The following COL28A1 variants were observed in gnomAD, a reference collection of about 807,000 sequenced individuals.
COL28A1 encodes collagen type XXVIII alpha 1 chain, also known as collagen alpha-1(XXVIII) chain.
COL28A1 carries 161 observed loss-of-function variants against 150.2 expected under a neutral mutation model. The observed-to-expected ratio is 1.07, with a 90% CI of 0.94 to 1.22. COL28A1 has a LOEUF of 1.22. Among genes scored for constraint, COL28A1 ranks in the 50% most tolerant of loss-of-function variants. COL28A1 has a pLI of 0.00. For missense variants in COL28A1, 1,617 were observed against 1,388.3 expected (o/e 1.16, Z -2.62); for synonymous variants, 552 against 469.7 (o/e 1.18, Z -2.26).
chr7:7,369,734 C>T (rs1562478975), intron 33 of COL28A1, among the ~76,000 whole-genome samples: 3 of 152,112 alleles, frequency 2.0e-5, no homozygotes, highest in African/African-American at 4.8e-5. Flanking sequence ...GCCCTGAGTC[C>T]AACTACTGAT....
chr7:7,408,780 T>G (rs140018272), intron 27 of COL28A1, among the ~76,000 whole-genome samples: 2 of 152,230 alleles, frequency 1.3e-5, no homozygotes, highest in African/African-American at 4.8e-5. Flanking sequence ...ATAAAAAAAA[T>G]AGATTATCAG....
At chr7:7,395,687 T>C (rs1474796279) in intron 27 of COL28A1, among the ~76,000 whole-genome samples, 2 of 152,220 alleles carry the variant, frequency 1.3e-5, no homozygotes, top group Non-Finnish European at 2.9e-5. Flanking sequence ...AATTTTACTT[T>C]AGCACAAAAT....
rs1781376083 is a variant in COL28A1, at chr7:7,373,862, G to C, written c.2360-316C>G. 6.6e-6 allele frequency among the ~76,000 whole-genome samples: 1 copy of C among 151,194 alleles called. No individual in the cohort carries two copies. Among genetic ancestry groups the C allele is most frequent in the African/African-American group, 2.4e-5 (1 of 41,138 alleles). ...CTACAGGCGCCCGCCACCTCGCCTG[G>C]CTAATTTTTTGTATTTTTAGTAGAG... On this transcript the variant is annotated intron_variant, in intron 31 of 34. Transcript: ENST00000399429. This position sits in a 1 kb window ranked among gnomAD's most constrained non-coding sequence, Gnocchi z 4.1.
chr7:7,490,223 C>T (rs140195239), intron 12 of COL28A1, among the ~76,000 whole-genome samples: 410 of 152,244 alleles, frequency 2.7e-3, no homozygotes, highest in African/African-American at 8.2e-3. Flanking sequence ...TATGCTTATT[C>T]AATGTGAACC....
downstream of COL28A1, among the ~76,000 whole-genome samples, chr7:7,353,678 GGAA>G (rs1276886659): frequency 2.6e-5 from 4 of 152,090 alleles, no homozygotes; most frequent in Admixed American, 6.6e-5. Context: ...GGTCAGTCAG[GGAA>G]GAAGGAGAAG....
chr7:7,535,580 T>A (rs984702921), intron 1 of COL28A1, among the ~76,000 whole-genome samples, 170 bp downstream of exon 1: 1 of 152,196 alleles, frequency 6.6e-6, no homozygotes, highest in African/African-American at 2.4e-5. Context: ...TTCTACATTT[T>A]AACAATGTTA....
intron 33 of COL28A1, among the ~76,000 whole-genome samples, chr7:7,369,488 G>A (rs7796385): frequency 0.89 from 135,854 of 152,282 alleles, 60,729 homozygotes; most frequent in East Asian, 1. Context: ...CCCTTTACAG[G>A]GTTTGCTGAC....
the COL28A1 span, among the ~76,000 whole-genome samples, chr7:7,351,170 C>A: frequency 2.6e-5 from 4 of 152,126 alleles, no homozygotes; most frequent in African/African-American, 9.7e-5. Context: ...TCTTCTCCCC[C>A]ACTTTAGTCA....
intron 25 of COL28A1, among the ~76,000 whole-genome samples, chr7:7,425,800 G>C (rs1337231089): frequency 2.6e-5 from 4 of 152,128 alleles, no homozygotes; most frequent in Non-Finnish European, 2.9e-5. Context: ...TAAGCCTCAG[G>C]GAGACTAAAC....
At chr7:7,487,460 C>A (rs56741460) in intron 13 of COL28A1, among the ~76,000 whole-genome samples, 2,044 of 152,092 alleles carry the variant, frequency 0.013, 50 homozygotes, top group African/African-American at 0.047. Context: ...CACCTGTAAT[C>A]CCAGCTACTC....
chr7:7,429,869 C>T (rs753532814), intron 25 of COL28A1, among the ~76,000 whole-genome samples: 2 of 152,176 alleles, frequency 1.3e-5, no homozygotes, highest in Non-Finnish European at 2.9e-5. Flanking sequence ...TCCACTCAGC[C>T]TTCCGCGTGG....
At chr7:7,490,735 G>T in intron 11 of COL28A1, 89 bp from the exon 12 acceptor site, 4 of 638,380 alleles carry the variant, frequency 6.3e-6, no homozygotes, top group Non-Finnish European at 1.1e-5. Context: ...TTTTGCAATA[G>T]GGGCTTTCAG....
chr7:7,359,849 T>C (rs10952052), intron 34 of COL28A1, among the ~76,000 whole-genome samples: 118,115 of 151,976 alleles, frequency 0.78, 46,098 homozygotes, highest in East Asian at 0.88. Context: ...TAATATATAT[T>C]GTGTAATTCA....
At chr7:7,372,956 C>G in intron 32 of COL28A1, 42 bp downstream of exon 32, 1 of 1,542,868 alleles carries the variant, frequency 6.5e-7, no homozygotes, top group Admixed American at 1.7e-5. Flanking sequence ...CTTAGAGGAA[C>G]AACATAAATG....
At chr7:7,477,986 G>C (rs372143542) in intron 13 of COL28A1, among the ~76,000 whole-genome samples, 1 of 152,190 alleles carries the variant, frequency 6.6e-6, no homozygotes, top group South Asian at 2.1e-4. Flanking sequence ...AGCTAGATTA[G>C]CTAGATACAG....
chr7:7,404,612 T>A (rs1460523337), intron 27 of COL28A1, among the ~76,000 whole-genome samples: 1 of 151,936 alleles, frequency 6.6e-6, no homozygotes, highest in Non-Finnish European at 1.5e-5. Context: ...CTCCCTCACC[T>A]CCTCCGGTCT....
intron 3 of COL28A1, among the ~76,000 whole-genome samples, chr7:7,527,656 G>A (rs906834912): frequency 1.3e-5 from 2 of 152,138 alleles, no homozygotes; most frequent in African/African-American, 4.8e-5. Context: ...GAGTTTCAAT[G>A]AAAAGGATAA....
intron 20 of COL28A1, among the ~76,000 whole-genome samples, chr7:7,441,670 A>G (rs1785801524): frequency 6.6e-6 from 1 of 152,186 alleles, no homozygotes; most frequent in Non-Finnish European, 1.5e-5. Context: ...CCCTCCACCC[A>G]GAGTTTCTGA....
At chr7:7,527,334 G>A (rs1423286292) in intron 3 of COL28A1, among the ~76,000 whole-genome samples, 1 of 152,198 alleles carries the variant, frequency 6.6e-6, no homozygotes, top group Admixed American at 6.5e-5. Flanking sequence ...TAACAAGATG[G>A]CTTCTTGGAA....
Sources: allele counts gnomAD v4.1 joint callset (sites outside exome capture counted in the v4.1 genomes callset), GRCh38; gene constraint gnomAD v4.1.1; non-coding constraint Gnocchi (gnomAD v3.1); transcripts MANE v1.5; gene names NCBI Gene and HGNC (gene_info 2026-07-23, HGNC 2026-07-21).